The following UBA6 variants were observed in gnomAD, a reference collection of about 807,000 sequenced individuals.
UBA6 encodes ubiquitin like modifier activating enzyme 6, also known as ubiquitin-like modifier-activating enzyme 6.
UBA6 carries 87 observed loss-of-function variants against 148.3 expected under a neutral mutation model. The observed-to-expected ratio is 0.59, with a 90% CI of 0.49 to 0.70. The LOEUF is 0.70. UBA6 is among the 30% of genes least tolerant of loss of function. The probability of loss-of-function intolerance (pLI) is 0.00; values close to 1 mark genes in which losing one functional copy is unlikely to be tolerated. For synonymous variants in UBA6, 376 were observed against 401.0 expected (o/e 0.94, Z 0.75); for missense variants, 1,186 against 1,241.2 (o/e 0.96, Z 0.67).
chr4:67,651,868 T>A (rs34303917), intron 13 of UBA6, among the ~76,000 whole-genome samples: 2 of 152,010 alleles, frequency 1.3e-5, no homozygotes, highest in Non-Finnish European at 2.9e-5. Flanking sequence ...CTAGAATAGC[T>A]GGACATTCAT....
chr4:67,655,527 C>T (rs188826038), intron 13 of UBA6, among the ~76,000 whole-genome samples: 27 of 152,292 alleles, frequency 1.8e-4, no homozygotes, highest in Admixed American at 1.5e-3. Flanking sequence ...ATCTCTGAGA[C>T]ACATTCAAAG....
Position 67,649,288 on chromosome 4 carries a change from G to C in UBA6, c.1105-77C>G, listed in dbSNP as rs866163339. 2.2e-6 allele frequency: 3 copies of C among 1,340,508 alleles called. No individual in the cohort carries two copies. The African/African-American group carries it at 4.4e-5, about 20-fold the overall frequency. The allele number at this position is 1,340,508 out of a possible 1,614,324, so 83.0% of individuals were successfully genotyped here. On this transcript the variant is annotated intron_variant, in intron 13 of 32. Transcript: ENST00000322244. ...ACTTAAAATTCCAATGACTAAATGT[G>C]AGAATTAGAACTTAACTTCTAAAAA... is the stretch of plus-strand genomic sequence containing the variant.
Position 67,689,674 on chromosome 4 carries a change from G to C in UBA6, c.134+6971C>G, listed in dbSNP as rs114856360. On this transcript the variant is annotated intron_variant, in intron 2 of 32. Coordinates refer to ENST00000322244, the MANE Select transcript of UBA6 (RefSeq NM_018227.6). ...TGGTTTTTGCTTAAGGATGGAATGT[G>C]TAAGTGCCTTCTTAGTATCATCACT... Among the ~76,000 whole-genome samples the C allele has an allele frequency of 3.7e-3, 564 of 152,206 alleles. 3 individuals are homozygous for C. Among genetic ancestry groups the C allele is most frequent in the African/African-American group, 0.013 (543 of 41,558 alleles).
Position 67,615,868 on chromosome 4 carries a change from T to G in UBA6, c.*3129A>C, listed in dbSNP as rs1349076700. ...GAGACAATTATCATACAAGGTAGGA[T>G]AGTGGTAATTACCAAAGGGTACGTG... is the stretch of plus-strand genomic sequence containing the variant. On this transcript the variant is annotated 3_prime_UTR_variant, in exon 33 of 33. Coordinates refer to ENST00000322244, the MANE Select transcript of UBA6 (RefSeq NM_018227.6). 6.8e-6 allele frequency: 2 copies of G among 293,304 alleles called. No individual in the cohort carries two copies. Among genetic ancestry groups the G allele is most frequent in the Non-Finnish European group, 1.3e-5 (2 of 159,954 alleles). The allele number at this position is 293,304 out of a possible 1,614,324, so 18.2% of individuals were successfully genotyped here.
chr4:67,677,497 A>G (rs1730310367), intron 6 of UBA6, 114 bp downstream of exon 6: 1 of 496,776 alleles, frequency 2.0e-6, no homozygotes. Context: ...TCTACCTTGA[A>G]ATTTTTTTGT....
intron 2 of UBA6, 97 bp from the exon 3 acceptor site, chr4:67,682,310 C>T (rs912342889): frequency 1.7e-5 from 14 of 831,820 alleles, no homozygotes; most frequent in African/African-American, 1.0e-4. Context: ...GAACTCAATC[C>T]GGCCCACAGA....
At chr4:67,631,429 A>C (rs1728995015) in intron 25 of UBA6, among the ~76,000 whole-genome samples, 1 of 152,144 alleles carries the variant, frequency 6.6e-6, no homozygotes, top group East Asian at 1.9e-4. Context: ...CATTTTACTA[A>C]TTTATGGATA....
rs373311112 is a variant in UBA6, at chr4:67,664,779, A to G, written c.897+410T>C. ...CAGGATTAACAAGTATAATTTGAAT[A>G]TCTTCATTTTAGAAAATTAAATAAT... On this transcript the variant is annotated intron_variant, in intron 10 of 32. Transcript: ENST00000322244. Among the ~76,000 whole-genome samples the G allele has an allele frequency of 3.6e-4, 55 of 152,284 alleles. No homozygotes were observed. The South Asian group carries it at 9.1e-3, about 25-fold the overall frequency.
At chr4:67,671,160 T>C (rs781731137) in intron 7 of UBA6, among the ~76,000 whole-genome samples, 19 of 152,200 alleles carry the variant, frequency 1.2e-4, no homozygotes, top group Admixed American at 5.9e-4. Flanking sequence ...TTCTAACACA[T>C]GCATTGTCTC....
chr4:67,619,824 T>C (rs775735793), intron 32 of UBA6, among the ~76,000 whole-genome samples: 11 of 152,330 alleles, frequency 7.2e-5, no homozygotes, highest in Non-Finnish European at 1.6e-4. Context: ...CTCTTTGCTA[T>C]AGCCACTACT....
intron 32 of UBA6, among the ~76,000 whole-genome samples, chr4:67,621,881 A>C (rs34837847): frequency 0.21 from 31,201 of 152,128 alleles, 3,446 homozygotes; most frequent in Middle Eastern, 0.3. Context: ...GTGCTCTGAA[A>C]AAAAGAAAAA....
At position 67,671,179 on chromosome 4, in the gene UBA6, G is replaced by C. The variant is rs1454542420; in HGVS notation, c.547-587C>G. Among the ~76,000 whole-genome samples the C allele has an allele frequency of 2.0e-5, 3 of 152,104 alleles. No homozygotes were observed. In the East Asian group the frequency reaches 5.8e-4, roughly 29 times the overall value. The stretch of plus-strand genomic sequence containing the variant: ...AACACATGCATTGTCTCCATTCTGA[G>C]AATTTGTAAAGAAATTATTTTTGGG... On this transcript the variant is annotated intron_variant, in intron 7 of 32. Transcript: ENST00000322244.
intron 32 of UBA6, 75 bp downstream of exon 32, chr4:67,622,756 A>G: frequency 9.9e-7 from 1 of 1,007,946 alleles, no homozygotes; most frequent in Non-Finnish European, 1.5e-6. Context: ...AGTAACCTCT[A>G]TATTTAATTT....
At chr4:67,641,084 A>G (rs1729294865) in intron 18 of UBA6, 67 bp downstream of exon 18, 5 of 973,606 alleles carry the variant, frequency 5.1e-6, no homozygotes, top group Middle Eastern at 2.1e-4. Flanking sequence ...ACTATTTTCT[A>G]TTTATTAAAA....
intron 13 of UBA6, among the ~76,000 whole-genome samples, chr4:67,659,851 T>C (rs1336513072): frequency 1.3e-5 from 2 of 152,166 alleles, no homozygotes; most frequent in African/African-American, 4.8e-5. Context: ...GATAGTGATA[T>C]GGACAATGAA....
intron 6 of UBA6, among the ~76,000 whole-genome samples, chr4:67,675,085 G>C (rs1453588533): frequency 6.6e-6 from 1 of 152,214 alleles, no homozygotes; most frequent in African/African-American, 2.4e-5. Flanking sequence ...GGCCAGGCTG[G>C]TCTCGAACTC....
intron 3 of UBA6, among the ~76,000 whole-genome samples, chr4:67,681,827 G>A (rs1160242643): frequency 3.9e-5 from 6 of 152,098 alleles, no homozygotes; most frequent in Non-Finnish European, 8.8e-5. Context: ...TATTCTTCCA[G>A]ATATGTTTTT....
Position 67,613,329 on chromosome 4 carries a change from A to C in UBA6, c.*5668T>G, listed in dbSNP as rs1468374297. ...AACCAGGCACACAAGGAGACAAGAC[A>C]GTAAGAATGAAGACTAGAACAAACA... On this transcript the variant is annotated 3_prime_UTR_variant, in exon 33 of 33. Transcript: ENST00000322244. 2 of 152,244 alleles carry C rather than the reference A, an allele frequency of 1.3e-5. No homozygotes were observed. Among genetic ancestry groups the C allele is most frequent in the Admixed American group, 1.3e-4 (2 of 15,284 alleles). 9.4% of individuals were successfully genotyped at this position (152,244 alleles called of 1,614,324 possible). A position where few individuals can be genotyped will look rare whatever the true frequency, so the allele number is the denominator to read the frequency against.
intron 12 of UBA6, 80 bp downstream of exon 12, chr4:67,663,059 T>C (rs761231094): frequency 7.3e-6 from 7 of 965,260 alleles, no homozygotes; most frequent in East Asian, 5.2e-5. Context: ...ACAAAGGGCA[T>C]AGTTACTTTT....
Sources: allele counts gnomAD v4.1 joint callset (sites outside exome capture counted in the v4.1 genomes callset), GRCh38; gene constraint gnomAD v4.1.1; transcripts MANE v1.5; gene names NCBI Gene and HGNC (gene_info 2026-07-23, HGNC 2026-07-21).